Variants in ULK4 observed in about 807,000 individuals in gnomAD.
ULK4 encodes the protein inactive serine/threonine-protein kinase ULK4.
In ULK4, 133 loss-of-function variants were observed where a neutral mutation model predicts 160.6. The ratio of observed to expected loss-of-function variants is 0.83; its 90% CI spans 0.72 to 0.96. ULK4 has a LOEUF of 0.96. Ranked by LOEUF, ULK4 falls within the 40% of genes least tolerant of loss-of-function variation. ULK4 has a pLI of 0.00. For missense variants in ULK4, 1,580 were observed against 1,499.5 expected (o/e 1.05, Z -0.89); for synonymous variants, 534 against 539.8 (o/e 0.99, Z 0.15).
intron 35 of ULK4, among the ~76,000 whole-genome samples, chr3:41,303,150 A>G (rs534733796): frequency 1.3e-5 from 2 of 152,274 alleles, no homozygotes; most frequent in South Asian, 2.1e-4. Context: ...GATAATAATT[A>G]TTTGCCTTTT....
chr3:41,292,442 C>T (rs1484033879), intron 35 of ULK4, among the ~76,000 whole-genome samples: 8 of 152,014 alleles, frequency 5.3e-5, no homozygotes, highest in Admixed American at 2.6e-4. Context: ...GTCAGGAGTT[C>T]GAGACCAACC....
chr3:41,774,522 G>C (rs2039528817), intron 21 of ULK4, among the ~76,000 whole-genome samples: 1 of 149,074 alleles, frequency 6.7e-6, no homozygotes, highest in Admixed American at 6.6e-5. Flanking sequence ...ACCACAATGA[G>C]ATACCATCTC....
rs149576964 is a variant in ULK4, at chr3:41,768,118, G to A, written c.2194-13630C>T. On this transcript the variant is annotated intron_variant, in intron 21 of 36. Coordinates refer to ENST00000301831, the MANE Select transcript of ULK4 (RefSeq NM_017886.4). ...GGGATCTAGGTTGCACACTCCTTATGAGAATGTAATGCCTGATGATCTTCT... is the reference window on the plus strand; with the variant it reads ...GGGATCTAGGTTGCACACTCCTTATAAGAATGTAATGCCTGATGATCTTCT... Among the ~76,000 whole-genome samples, 10 of 152,256 alleles carry A rather than the reference G, an allele frequency of 6.6e-5. No homozygotes were observed. In the South Asian group the frequency reaches 8.3e-4, roughly 13 times the overall value.
chr3:41,419,195 T>C (rs1298725143), intron 34 of ULK4, among the ~76,000 whole-genome samples: 1 of 152,168 alleles, frequency 6.6e-6, no homozygotes, highest in Non-Finnish European at 1.5e-5. Context: ...TTGAAAACTT[T>C]CATAATAAAA....
chr3:41,667,269 A>C (rs1014961297), intron 29 of ULK4, among the ~76,000 whole-genome samples: 62 of 152,230 alleles, frequency 4.1e-4, no homozygotes, highest in African/African-American at 1.5e-3. Context: ...AGGAGGGAAG[A>C]ATAAAGCTTA....
intron 22 of ULK4, 43 bp downstream of exon 22, chr3:41,754,318 A>G: frequency 6.3e-7 from 1 of 1,588,692 alleles, no homozygotes; most frequent in South Asian, 1.2e-5. Context: ...TACAACAGGC[A>G]CTAAATTGAA....
intron 32 of ULK4, among the ~76,000 whole-genome samples, chr3:41,469,124 A>G (rs4303844): frequency 0.031 from 4,766 of 152,256 alleles, 239 homozygotes; most frequent in African/African-American, 0.11. Flanking sequence ...TCCAGGGAGC[A>G]AGACGATCAT....
chr3:41,438,654 A>G (rs566108556), intron 34 of ULK4, among the ~76,000 whole-genome samples: 2 of 151,968 alleles, frequency 1.3e-5, no homozygotes, highest in Admixed American at 1.3e-4. Flanking sequence ...ACAAAAGTTA[A>G]AACAAGGACA....
chr3:41,802,290 A>G (rs1472593036), intron 19 of ULK4, among the ~76,000 whole-genome samples: 1 of 152,154 alleles, frequency 6.6e-6, no homozygotes, highest in Non-Finnish European at 1.5e-5. Context: ...TTTTAAACAT[A>G]AGCTGCAGCT....
chr3:41,679,706 T>C (rs17060172), intron 29 of ULK4, among the ~76,000 whole-genome samples: 4,315 of 152,318 alleles, frequency 0.028, 144 homozygotes, highest in East Asian at 0.089. Flanking sequence ...AGACTTCAGA[T>C]ATACAGAAAT....
rs186281526 is a variant in ULK4 at position 41,308,289 on chromosome 3, A to G, written c.3679-58715T>C. Among the ~76,000 whole-genome samples the G allele has an allele frequency of 5.9e-5, 9 of 152,290 alleles. No homozygotes were observed. In the East Asian group the frequency reaches 1.7e-3, roughly 29 times the overall value. ...TAGGGTACCTGGAAGAATAAAAAAT[A>G]AAACAGCGCACGAGGGACACATCCT... On this transcript the variant is annotated intron_variant, in intron 35 of 36. Transcript: ENST00000301831.
intron 35 of ULK4, among the ~76,000 whole-genome samples, chr3:41,355,598 T>A (rs1328350583): frequency 6.6e-6 from 1 of 152,198 alleles, no homozygotes; most frequent in African/African-American, 2.4e-5. Flanking sequence ...AACTGTATAA[T>A]CAGCACTCAT....
chr3:41,719,223 T>A (rs1374024634), intron 22 of ULK4, among the ~76,000 whole-genome samples: 1 of 152,208 alleles, frequency 6.6e-6, no homozygotes, highest in African/African-American at 2.4e-5. Flanking sequence ...GTTCATGCTC[T>A]TAAATGCTGA....
intron 30 of ULK4, among the ~76,000 whole-genome samples, chr3:41,651,949 C>G (rs931360597): frequency 6.6e-6 from 1 of 152,150 alleles, no homozygotes; most frequent in African/African-American, 2.4e-5. Context: ...GCTAACCCCT[C>G]CTTGAGAAAA....
chr3:41,898,848 T>C (rs2148789718), intron 13 of ULK4, among the ~76,000 whole-genome samples: 1 of 152,332 alleles, frequency 6.6e-6, no homozygotes, highest in Admixed American at 6.5e-5. Context: ...CTAATGGGGA[T>C]ACAAAGATAT....
intron 32 of ULK4, among the ~76,000 whole-genome samples, chr3:41,564,365 T>C (rs1272821022): frequency 6.6e-6 from 1 of 151,422 alleles, no homozygotes; most frequent in Admixed American, 6.6e-5. Flanking sequence ...AGGTAGTCCG[T>C]CCGTTCTGAG....
intron 33 of ULK4, among the ~76,000 whole-genome samples, chr3:41,458,894 T>C (rs1216274766): frequency 3.3e-5 from 5 of 152,010 alleles, no homozygotes; most frequent in Non-Finnish European, 7.4e-5. Context: ...TGGCTGGGAT[T>C]ACGGGTCCCC....
intron 22 of ULK4, among the ~76,000 whole-genome samples, chr3:41,735,596 T>A (rs1457747794): frequency 6.6e-6 from 1 of 152,028 alleles, no homozygotes; most frequent in Non-Finnish European, 1.5e-5. Flanking sequence ...CTGGACAATA[T>A]CACAAGTGGT....
chr3:41,928,607 A>G (rs1192286796), intron 5 of ULK4, among the ~76,000 whole-genome samples: 1 of 151,972 alleles, frequency 6.6e-6, no homozygotes, highest in East Asian at 1.9e-4. Flanking sequence ...ACCACTAGCA[A>G]GACTAACAAA....
Sources: gnomAD v4.1 joint callset for allele counts (sites outside exome capture counted in the v4.1 genomes callset) on GRCh38, gnomAD v4.1.1 for gene constraint, MANE v1.5 for transcripts, NCBI Gene and HGNC (gene_info 2026-07-23, HGNC 2026-07-21) for gene names.